The following MAP7 variants were observed in gnomAD, a reference collection of about 807,000 sequenced individuals.
MAP7 encodes microtubule associated protein 7.
MAP7 carries 52 observed loss-of-function variants against 94.8 expected under a neutral mutation model. The observed-to-expected ratio is 0.55, with a 90% CI of 0.44 to 0.69. The LOEUF is 0.69. Among genes scored for constraint, MAP7 ranks in the 30% least tolerant of loss-of-function variants. The probability of loss-of-function intolerance (pLI) is 0.00; values close to 1 mark genes in which losing one functional copy is unlikely to be tolerated. For synonymous variants in MAP7, 350 were observed against 357.0 expected (o/e 0.98, Z 0.22); for missense variants, 940 against 964.6 (o/e 0.97, Z 0.34).
chr6:136,389,406 CGCTCCTCCTTCTGCCTCT>C lies in MAP7; in HGVS notation c.338_355del (p.Gln113_Glu118del). 1 of 1,588,594 alleles carries C rather than the reference CGCTCCTCCTTCTGCCTCT, an allele frequency of 6.3e-7. No individual in the cohort carries two copies. The highest frequency in any genetic ancestry group is 8.5e-7 in the Non-Finnish European group (1 of 1,170,194). Reference sequence around the variant, plus strand: ...CTTCTCCTCCACAGCAGCCCTCCTCCGCTCCTCCTTCTGCCTCTGCTCCTCCAACCTCTTCTTCCGCTC... The same window carrying C: ...CTTCTCCTCCACAGCAGCCCTCCTCCGCTCCTCCAACCTCTTCTTCCGCTC... On this transcript the variant is annotated inframe_deletion, in exon 4 of 18. Coordinates refer to ENST00000354570, the MANE Select transcript of MAP7 (RefSeq NM_003980.6).
chr6:136,432,828 T>C (rs1272366882), intron 1 of MAP7, among the ~76,000 whole-genome samples: 2 of 152,214 alleles, frequency 1.3e-5, no homozygotes, highest in Non-Finnish European at 1.5e-5. Flanking sequence ...AGAAAGAATA[T>C]GAAAATAACA....
At chr6:136,353,068 T>C (rs1437421694) in intron 16 of MAP7, among the ~76,000 whole-genome samples, 1 of 152,214 alleles carries the variant, frequency 6.6e-6, no homozygotes, top group Admixed American at 6.5e-5. Context: ...AAACATTTCC[T>C]ACAGGTCAGT....
intron 1 of MAP7, among the ~76,000 whole-genome samples, chr6:136,518,811 A>ATAT (rs1825597798): frequency 6.6e-6 from 1 of 152,204 alleles, no homozygotes; most frequent in Admixed American, 6.5e-5. Context: ...TTAATAAATA[A>ATAT]TATCTAAGAG....
intron 1 of MAP7, among the ~76,000 whole-genome samples, chr6:136,521,678 A>G (rs1033714209): frequency 1.3e-5 from 2 of 152,186 alleles, no homozygotes; most frequent in African/African-American, 4.8e-5. Flanking sequence ...ACAGGTAAAC[A>G]TTGTGTGGAT....
chr6:136,411,746 A>G, intron 2 of MAP7, 49 bp from the exon 3 acceptor site: 2 of 1,390,606 alleles, frequency 1.4e-6, no homozygotes, highest in Non-Finnish European at 2.0e-6. Context: ...GATTAAAAAA[A>G]AAAAGAAAAA....
chr6:136,528,292 G>T (rs529638183), intron 1 of MAP7, among the ~76,000 whole-genome samples: 1 of 152,130 alleles, frequency 6.6e-6, no homozygotes, highest in South Asian at 2.1e-4. Flanking sequence ...TAAAAAAATG[G>T]ATACAAATTG....
intron 5 of MAP7, among the ~76,000 whole-genome samples, chr6:136,386,067 T>G (rs1779111800): frequency 6.6e-6 from 1 of 152,050 alleles, no homozygotes; most frequent in African/African-American, 2.4e-5. Flanking sequence ...CACCGCACCC[T>G]GCTGATCGTA....
chr6:136,392,882 C>T (rs1454889589), intron 3 of MAP7, among the ~76,000 whole-genome samples: 1 of 152,128 alleles, frequency 6.6e-6, no homozygotes, highest in Non-Finnish European at 1.5e-5. Context: ...ATTTCAAATT[C>T]TCTGAGGACA....
intron 3 of MAP7, among the ~76,000 whole-genome samples, chr6:136,400,866 T>C (rs578261147): frequency 6.6e-6 from 1 of 152,218 alleles, no homozygotes; most frequent in Non-Finnish European, 1.5e-5. Flanking sequence ...TATAATCTTA[T>C]TCATTATCTG....
At chr6:136,542,676 A>G (rs1019257896) in intron 1 of MAP7, among the ~76,000 whole-genome samples, 3 of 152,192 alleles carry the variant, frequency 2.0e-5, no homozygotes, top group African/African-American at 7.2e-5. Context: ...ACAGGAAATA[A>G]GAGATACTAT....
chr6:136,497,199 T>C (rs976599255), intron 1 of MAP7, among the ~76,000 whole-genome samples: 1 of 151,952 alleles, frequency 6.6e-6, no homozygotes, highest in African/African-American at 2.4e-5. Context: ...AAGGAAGGAA[T>C]TGTAGAATGA....
rs1332977724 is a variant in MAP7 at position 136,421,694 on chromosome 6, A to G, written c.166+7T>C. ...TATTTTCCCACAGTTAATGCAATGC[A>G]TCATACCTGGTTTATTTCCTGAGTG... On this transcript the variant is annotated splice_region_variant and intron_variant, in intron 2 of 17. Transcript: ENST00000354570. The G allele has an allele frequency of 1.2e-6, 2 of 1,611,462 alleles. No individual in the cohort carries two copies. Among genetic ancestry groups the G allele is most frequent in the East Asian group, 2.2e-5 (1 of 44,860 alleles).
intron 1 of MAP7, among the ~76,000 whole-genome samples, chr6:136,505,271 GTGTGTGTATATATATATATATATATATA>G (rs1222988633): frequency 1.9e-4 from 18 of 95,470 alleles, no homozygotes; most frequent in East Asian, 9.3e-4. Context: ...GTGTGTGTGT[GTGTGTGTATATATATATATATATATATA>G]TATATATATA....
chr6:136,494,333 T>C (rs1254445875), intron 1 of MAP7, among the ~76,000 whole-genome samples: 1 of 152,176 alleles, frequency 6.6e-6, no homozygotes, highest in Non-Finnish European at 1.5e-5. Flanking sequence ...TAACATTGAG[T>C]CTTTTATTTA....
Position 136,362,768 on chromosome 6 carries a change from G to T in MAP7, c.1274-66C>A, listed in dbSNP as rs1307867811. 4 of 1,503,466 alleles carry T rather than the reference G, an allele frequency of 2.7e-6. No individual in the cohort carries two copies. The South Asian group carries it at 5.4e-5, about 20-fold the overall frequency. 93.1% of individuals were successfully genotyped at this position (1,503,466 alleles called of 1,614,324 possible). On this transcript the variant is annotated intron_variant, in intron 10 of 17. Coordinates refer to ENST00000354570, the MANE Select transcript of MAP7 (RefSeq NM_003980.6). ...AATCCAAAGAACAAAACCAAAACTA[G>T]CATTCCCCACATCCAAGGCCTAGAA...
intron 15 of MAP7, among the ~76,000 whole-genome samples, chr6:136,357,097 T>C (rs1791203086): frequency 6.6e-6 from 1 of 152,200 alleles, no homozygotes; most frequent in Non-Finnish European, 1.5e-5. Context: ...ATGAAGTATA[T>C]AATATTGAAA....
At chr6:136,466,362 A>T (rs1310931713) in intron 1 of MAP7, among the ~76,000 whole-genome samples, 1 of 151,922 alleles carries the variant, frequency 6.6e-6, no homozygotes, top group East Asian at 1.9e-4. Context: ...ATATACTGAA[A>T]TTTTTTTTGG....
At chr6:136,444,995 C>G (rs984827812) in intron 1 of MAP7, among the ~76,000 whole-genome samples, 1 of 152,168 alleles carries the variant, frequency 6.6e-6, no homozygotes, top group African/African-American at 2.4e-5. Context: ...CAAGCCTACA[C>G]CTTTGTTAGG....
chr6:136,504,969 C>G (rs953530452), intron 1 of MAP7, among the ~76,000 whole-genome samples: 46 of 152,158 alleles, frequency 3.0e-4, no homozygotes, highest in African/African-American at 1.1e-3. Context: ...CATGAGCCAC[C>G]ATGCCCAGCC....
Sources: gnomAD v4.1 joint callset for allele counts (sites outside exome capture counted in the v4.1 genomes callset) on GRCh38, gnomAD v4.1.1 for gene constraint, MANE v1.5 for transcripts, NCBI Gene and HGNC (gene_info 2026-07-23, HGNC 2026-07-21) for gene names.